MTCL1: variants seen among roughly 807,000 people sequenced by gnomAD.
MTCL1 encodes microtubule cross-linking factor 1.
Under a neutral mutation model 141.4 loss-of-function variants are expected in MTCL1, and 79 were observed. The ratio of observed to expected loss-of-function variants is 0.56; its 90% CI spans 0.47 to 0.67. The LOEUF is 0.67. Among genes scored for constraint, MTCL1 ranks in the 30% least tolerant of loss-of-function variants. MTCL1 has a pLI of 0.00. For missense variants in MTCL1, 2,177 were observed against 2,113.9 expected (o/e 1.03, Z -0.59); for synonymous variants, 914 against 875.8 (o/e 1.04, Z -0.77).
At chr18:8,780,196 C>T (rs1056435822) in intron 5 of MTCL1, among the ~76,000 whole-genome samples, 3 of 152,230 alleles carry the variant, frequency 2.0e-5, no homozygotes, top group African/African-American at 7.2e-5. Context: ...TATCATTTTT[C>T]CCCTTCCGTG....
intron 12 of MTCL1, among the ~76,000 whole-genome samples, chr18:8,815,593 AT>A (rs1389682730): frequency 6.6e-6 from 1 of 151,594 alleles, no homozygotes; most frequent in African/African-American, 2.4e-5. Context: ...CATTGTGCAC[AT>A]GTACCCTAAA....
intron 4 of MTCL1, among the ~76,000 whole-genome samples, chr18:8,751,654 C>T (rs1239675267): frequency 6.6e-6 from 1 of 152,158 alleles, no homozygotes; most frequent in Non-Finnish European, 1.5e-5. Flanking sequence ...GTCTGAGTCA[C>T]CTGGTCCAGT....
At chr18:8,784,388 T>A (rs758827173) in exon 6 of MTCL1, 1 of 1,526,676 alleles carries the variant, frequency 6.6e-7, no homozygotes, top group Non-Finnish European at 8.8e-7. Context: ...TGAGAAGACG[T>A]CGGGCTTCGG....
At chr18:8,746,520 T>A (rs1187216663) in intron 4 of MTCL1, among the ~76,000 whole-genome samples, 1 of 152,230 alleles carries the variant, frequency 6.6e-6, no homozygotes, top group Non-Finnish European at 1.5e-5. Flanking sequence ...GGGAATCCCA[T>A]GGATTTGAAT....
At chr18:8,765,477 C>T (rs2096455481) in intron 4 of MTCL1, among the ~76,000 whole-genome samples, 2 of 152,224 alleles carry the variant, frequency 1.3e-5, no homozygotes, top group African/African-American at 4.8e-5. Flanking sequence ...CACCCTAGAG[C>T]AAGAGCCTCC....
chr18:8,785,568 C>T (rs2096549921), intron 6 of MTCL1: 2 of 242,538 alleles, frequency 8.2e-6, no homozygotes, highest in Admixed American at 1.0e-4. Context: ...GAAGGAAGAG[C>T]CTCGTTTTCC....
At chr18:8,777,557 A>G (rs765692814) in intron 4 of MTCL1, among the ~76,000 whole-genome samples, 7 of 152,136 alleles carry the variant, frequency 4.6e-5, no homozygotes, top group Non-Finnish European at 8.8e-5. Context: ...CTCCTTTTTC[A>G]TTAAACTGAA....
At position 8,825,273 on chromosome 18, in the gene MTCL1, C is replaced by T. The variant is rs115783507; in HGVS notation, c.3763C>T (p.Arg1255Cys). Residue 1255 changes from arginine (R) to cysteine (C), a missense_variant, in exon 15 of 17, where the codon CGC becomes TGC. Coordinates refer to ENST00000359865, the Ensembl canonical transcript of MTCL1. Reference sequence around the variant, plus strand: ...CCGGGACTATGTGGAGGGGGCACGGCGCCCCCTTGATAGTCCCCTCTGTAC... The same window carrying T: ...CCGGGACTATGTGGAGGGGGCACGGTGCCCCCTTGATAGTCCCCTCTGTAC... 1.7e-3 allele frequency: 2,693 copies of T among 1,569,352 alleles called. 28 individuals are homozygous for T. The highest frequency in any genetic ancestry group is 0.015 in the South Asian group (1,227 of 82,394).
At chr18:8,786,368 A>T (rs1168583919) in intron 7 of MTCL1, 1 of 654,618 alleles carries the variant, frequency 1.5e-6, no homozygotes, top group East Asian at 3.1e-5. Context: ...GAGCACCTGG[A>T]AGTAGGCTGA....
chr18:8,783,719 C>T (rs778455733), exon 6 of MTCL1: 23 of 1,606,702 alleles, frequency 1.4e-5, no homozygotes, highest in South Asian at 1.1e-4. Context: ...CCCCAGCACC[C>T]GGGAGGCCGA....
chr18:8,738,859 G>A (rs1467875403), intron 4 of MTCL1, among the ~76,000 whole-genome samples: 1 of 152,142 alleles, frequency 6.6e-6, no homozygotes, highest in Non-Finnish European at 1.5e-5. Context: ...GTGCTATGTT[G>A]AAGCGAGAGT....
At chr18:8,806,924 T>C (rs746173778) in exon 11 of MTCL1, 1 of 1,613,720 alleles carries the variant, frequency 6.2e-7, no homozygotes, top group Admixed American at 1.7e-5. Context: ...TTCAGCGCCT[T>C]CAAGGCCTTG....
intron 4 of MTCL1, among the ~76,000 whole-genome samples, chr18:8,772,023 C>T (rs1386104707): frequency 6.6e-6 from 1 of 152,254 alleles, no homozygotes; most frequent in Non-Finnish European, 1.5e-5. Flanking sequence ...GGACACTTCA[C>T]CCAGAGTCCG....
Position 8,726,940 on chromosome 18 carries a change from C to T in MTCL1, c.357+6444C>T, listed in dbSNP as rs144158723. On this transcript the variant is annotated intron_variant, in intron 4 of 16. Coordinates refer to ENST00000359865, the Ensembl canonical transcript of MTCL1. ...GTAGATAATTTGTTTAAACCCTCACCACCATCCCGCCCATTCTCCCCGCTT... is the reference window on the plus strand; with the variant it reads ...GTAGATAATTTGTTTAAACCCTCACTACCATCCCGCCCATTCTCCCCGCTT... Among the ~76,000 whole-genome samples, 242 of 152,276 alleles carry T rather than the reference C, an allele frequency of 1.6e-3. 1 individual carries two copies. Among genetic ancestry groups the T allele is most frequent in the African/African-American group, 5.5e-3 (228 of 41,538 alleles).
chr18:8,780,319 G>A (rs1006804253), intron 5 of MTCL1, among the ~76,000 whole-genome samples: 3 of 152,196 alleles, frequency 2.0e-5, no homozygotes, highest in Non-Finnish European at 4.4e-5. Context: ...TCTGCCCCTC[G>A]CCTGCACCTC....
chr18:8,790,097 C>T lies in MTCL1; in HGVS notation c.1888-2901C>T, dbSNP rs532975750. 9.2e-5 allele frequency among the ~76,000 whole-genome samples: 14 copies of T among 152,294 alleles called. No homozygotes were observed. In the East Asian group the frequency reaches 2.5e-3, roughly 27 times the overall value. Reference sequence around the variant, plus strand: ...TCTCCAGAGACAACACTGGAGCCATCGTAGGTGAGTCCGACTTCCCCAGTG... The same window carrying T: ...TCTCCAGAGACAACACTGGAGCCATTGTAGGTGAGTCCGACTTCCCCAGTG... On this transcript the variant is annotated intron_variant, in intron 7 of 16. Coordinates refer to ENST00000359865, the Ensembl canonical transcript of MTCL1.
At chr18:8,759,597 T>C (rs553429969) in intron 4 of MTCL1, among the ~76,000 whole-genome samples, 5 of 152,234 alleles carry the variant, frequency 3.3e-5, no homozygotes, top group Admixed American at 6.5e-5. Context: ...AACAATCTTA[T>C]GGGAAGAAAA....
chr18:8,829,859 TAAGGAA>T (rs2077141692), intron 16 of MTCL1: 5 of 985,286 alleles, frequency 5.1e-6, no homozygotes, highest in Non-Finnish European at 6.0e-6. Flanking sequence ...GGTGTGTTAC[TAAGGAA>T]AAGGTTGATT....
At chr18:8,761,944 G>T (rs1402971092) in intron 4 of MTCL1, among the ~76,000 whole-genome samples, 1 of 152,126 alleles carries the variant, frequency 6.6e-6, no homozygotes, top group East Asian at 1.9e-4. Flanking sequence ...TACAGTATTT[G>T]TTCATATTTT....
Sources: allele counts gnomAD v4.1 joint callset (sites outside exome capture counted in the v4.1 genomes callset), GRCh38; gene constraint gnomAD v4.1.1; transcripts MANE v1.5; gene names NCBI Gene and HGNC (gene_info 2026-07-23, HGNC 2026-07-21).